Variants in DAB1 observed in about 807,000 individuals in gnomAD.
DAB1 encodes the protein disabled homolog 1.
A neutral mutation model predicts 64.6 loss-of-function variants in DAB1; 15 were observed. That is an observed-to-expected ratio of 0.23 (90% CI 0.16 to 0.36). The LOEUF (loss-of-function observed/expected upper bound fraction) is 0.36. Among genes scored for constraint, DAB1 ranks in the 10% least tolerant of loss-of-function variants. The pLI, the probability that DAB1 is intolerant of heterozygous loss-of-function variation, is 1.00. For missense variants in DAB1, 596 were observed against 706.7 expected (o/e 0.84, Z 1.78); for synonymous variants, 235 against 251.9 (o/e 0.93, Z 0.64).
intron 1 of DAB1, among the ~76,000 whole-genome samples, chr1:57,389,223 T>G (rs964860894): frequency 1.3e-5 from 2 of 152,228 alleles, no homozygotes; most frequent in African/African-American, 4.8e-5. Context: ...TTGTCAATTT[T>G]CATCTGCCCT....
intron 4 of DAB1, among the ~76,000 whole-genome samples, chr1:57,092,998 A>C (rs17114981): frequency 0.025 from 3,839 of 152,258 alleles, 161 homozygotes; most frequent in African/African-American, 0.087. Flanking sequence ...TACTCATGTC[A>C]TTCCCAGAAG....
chr1:57,881,993 A>C (rs1482341677), intron 1 of DAB1, among the ~76,000 whole-genome samples: 1 of 152,222 alleles, frequency 6.6e-6, no homozygotes, highest in Non-Finnish European at 1.5e-5. Context: ...CCCCACAGAA[A>C]TATTCAGGAA....
rs537097333 is a variant in DAB1 at position 57,101,106 on chromosome 1, C to A, written c.307-28692G>T. Reference sequence around the variant, plus strand: ...ATCCACATCTGCTCACCACAGGAGGCACTCTATCCTTCTTACCCCTGGCAT... The same window carrying A: ...ATCCACATCTGCTCACCACAGGAGGAACTCTATCCTTCTTACCCCTGGCAT... On this transcript the variant is annotated intron_variant, in intron 4 of 14. Coordinates refer to ENST00000371236, the MANE Select transcript of DAB1 (RefSeq NM_001365792.1). 3.7e-4 allele frequency among the ~76,000 whole-genome samples: 57 copies of A among 152,218 alleles called. No individual in the cohort carries two copies. The South Asian group carries it at 8.5e-3, about 23-fold the overall frequency.
At chr1:57,183,940 T>G (rs930729657) in intron 2 of DAB1, among the ~76,000 whole-genome samples, 27 of 152,232 alleles carry the variant, frequency 1.8e-4, no homozygotes, top group African/African-American at 6.5e-4. Flanking sequence ...GAAAAGGACA[T>G]AGAGGATATC....
intron 2 of DAB1, among the ~76,000 whole-genome samples, chr1:57,278,667 A>AG (rs1671658306): frequency 2.0e-5 from 3 of 152,296 alleles, no homozygotes; most frequent in Admixed American, 2.0e-4. Context: ...AAAAAGAGAG[A>AG]GGGGAACTTC....
chr1:57,863,270 G>A (rs1279291890), intron 1 of DAB1: 1 of 151,000 alleles, frequency 6.6e-6, no homozygotes, highest in Non-Finnish European at 1.5e-5. Context: ...GGGGAGGTGT[G>A]TATGGGGGAT....
intron 1 of DAB1, among the ~76,000 whole-genome samples, chr1:57,414,131 CA>C (rs1684321507): frequency 6.6e-6 from 1 of 152,172 alleles, no homozygotes; most frequent in South Asian, 2.1e-4. Flanking sequence ...AAAGCAGTGT[CA>C]GGGTTTGAGA....
At chr1:58,283,435 C>T (rs1309426720) in intron 4 of DAB1, among the ~76,000 whole-genome samples, 1 of 152,106 alleles carries the variant, frequency 6.6e-6, no homozygotes, top group African/African-American at 2.4e-5. Flanking sequence ...GCTTTCTACC[C>T]TGACCACCCT....
intron 5 of DAB1, among the ~76,000 whole-genome samples, chr1:58,133,059 A>C (rs1346360583): frequency 6.6e-6 from 1 of 152,208 alleles, no homozygotes; most frequent in Non-Finnish European, 1.5e-5. Context: ...ATTTCTTAAA[A>C]ACTGAATGTT....
chr1:58,057,441 AT>A (rs1246811362), intron 5 of DAB1, among the ~76,000 whole-genome samples: 1 of 152,224 alleles, frequency 6.6e-6, no homozygotes, highest in African/African-American at 2.4e-5. Flanking sequence ...AATTAGACCA[AT>A]AGGGTCTAGA....
chr1:58,208,270 ACTT>A (rs1240195814), intron 4 of DAB1, among the ~76,000 whole-genome samples: 3 of 152,060 alleles, frequency 2.0e-5, no homozygotes, highest in African/African-American at 4.8e-5. Flanking sequence ...TAGAGTTAAA[ACTT>A]CTTTTCTTTT....
intron 5 of DAB1, among the ~76,000 whole-genome samples, chr1:58,088,060 C>T (rs1650428030): frequency 6.6e-6 from 1 of 152,150 alleles, no homozygotes; most frequent in African/African-American, 2.4e-5. Flanking sequence ...AAGTTCTTTC[C>T]ATAAATGTCA....
rs115104968 is a variant in DAB1, at chr1:58,431,940, C to T, written n.257+74120G>A. ...TAGGAGGATTTGACATGTGGGACTACGGGCCAGTGGCCTGAGGATGGGTGT... is the reference window on the plus strand; with the variant it reads ...TAGGAGGATTTGACATGTGGGACTATGGGCCAGTGGCCTGAGGATGGGTGT... On this transcript the variant is annotated intron_variant and non_coding_transcript_variant, in intron 3 of 20. Transcript: ENST00000485760. Among the ~76,000 whole-genome samples the T allele has an allele frequency of 8.1e-3, 1,234 of 152,264 alleles. 22 individuals are homozygous for T. The highest frequency in any genetic ancestry group is 0.028 in the African/African-American group (1,170 of 41,546).
At chr1:58,149,124 T>C (rs989655339) in intron 5 of DAB1, among the ~76,000 whole-genome samples, 3 of 152,214 alleles carry the variant, frequency 2.0e-5, no homozygotes, top group African/African-American at 4.8e-5. Context: ...ATTTTCTTCA[T>C]AGTACTTCTT....
At chr1:57,342,620 C>CT (rs1283058156) in intron 1 of DAB1, among the ~76,000 whole-genome samples, 2 of 152,230 alleles carry the variant, frequency 1.3e-5, no homozygotes, top group Non-Finnish European at 2.9e-5. Flanking sequence ...GTCTCACTGA[C>CT]TTCAAGAATG....
intron 3 of DAB1, among the ~76,000 whole-genome samples, chr1:58,375,265 T>C (rs200210028): frequency 4.8e-5 from 7 of 146,256 alleles, no homozygotes; most frequent in East Asian, 2.0e-4. Context: ...TGCCAGTTTT[T>C]AAAGGGAATG....
chr1:57,744,411 A>T (rs962931322), intron 6 of DAB1, among the ~76,000 whole-genome samples: 1 of 151,666 alleles, frequency 6.6e-6, no homozygotes, highest in African/African-American at 2.4e-5. Flanking sequence ...GAGGGTCAAG[A>T]GAAACCATTT....
At chr1:57,262,371 T>C (rs1187654694) in intron 2 of DAB1, among the ~76,000 whole-genome samples, 1 of 152,172 alleles carries the variant, frequency 6.6e-6, no homozygotes, top group Non-Finnish European at 1.5e-5. Flanking sequence ...CTTTGAGAGC[T>C]CTTAGCCACA....
At chr1:58,051,383 C>A (rs1172208767) in intron 5 of DAB1, among the ~76,000 whole-genome samples, 1 of 152,056 alleles carries the variant, frequency 6.6e-6, no homozygotes, top group African/African-American at 2.4e-5. Flanking sequence ...TGAGCTCATC[C>A]TTTTTTATGG....
Sources: gnomAD v4.1 joint callset for allele counts (sites outside exome capture counted in the v4.1 genomes callset) on GRCh38, gnomAD v4.1.1 for gene constraint, MANE v1.5 for transcripts, NCBI Gene and HGNC (gene_info 2026-07-23, HGNC 2026-07-21) for gene names.